Variants in GRIN2A observed in about 807,000 individuals in gnomAD.
GRIN2A encodes the protein glutamate ionotropic receptor NMDA type subunit 2A, also known as glutamate receptor ionotropic, NMDA 2A.
In GRIN2A, 22 loss-of-function variants were observed where a neutral mutation model predicts 113.4. The ratio of observed to expected loss-of-function variants is 0.19; its 90% CI spans 0.14 to 0.28. GRIN2A has a LOEUF of 0.28. Ranked by LOEUF, GRIN2A falls within the 10% of genes least tolerant of loss-of-function variation. The pLI, the probability that GRIN2A is intolerant of heterozygous loss-of-function variation, is 1.00. For synonymous variants in GRIN2A, 827 were observed against 738.4 expected (o/e 1.12, Z -1.94); for missense variants, 1,502 against 1,887.0 (o/e 0.80, Z 3.78).
At position 9,763,625 on chromosome 16, in the gene GRIN2A, G is replaced by A. The variant is rs148827608; in HGVS notation, c.3919C>T (p.Pro1307Ser). 51 of 1,613,122 alleles carry A rather than the reference G, an allele frequency of 3.2e-5. No homozygotes were observed. Among genetic ancestry groups the A allele is most frequent in the Admixed American group, 1.7e-5 (1 of 59,996 alleles). Residue 1307 changes from proline to serine, a missense_variant, in exon 13 of 13, where the codon CCC becomes TCC. Physicochemically the swap from Pro to Ser is moderately conservative, Grantham distance 74. Transcript: ENST00000330684. ...DKPRELDLSR[P>S]SRSISLKDRE... ...TCCTTGAGGCTTATGCTCCGGGAGG[G>A]CCTGCTAAGGTCTAGCTCCCTAGGT... is the stretch of plus-strand genomic sequence containing the variant.
At chr16:9,847,936 A>AAATATATGTTTTATATATATATAT (rs2042804821) in intron 5 of GRIN2A, among the ~76,000 whole-genome samples, 2 of 145,516 alleles carry the variant, frequency 1.4e-5, no homozygotes, top group Non-Finnish European at 3.0e-5. Flanking sequence ...TATATATATA[A>AAATATATGTTTTATATATATATAT]AAATATATAT....
At chr16:10,166,875 T>A (rs1040665799) in intron 2 of GRIN2A, among the ~76,000 whole-genome samples, 13 of 152,192 alleles carry the variant, frequency 8.5e-5, no homozygotes, top group Admixed American at 5.9e-4. Context: ...ATGACCCACA[T>A]CCACTTGAAT....
At chr16:9,838,374 T>C (rs1216470706) in intron 7 of GRIN2A, among the ~76,000 whole-genome samples, 2 of 152,160 alleles carry the variant, frequency 1.3e-5, no homozygotes, top group Admixed American at 1.3e-4. Flanking sequence ...CAACTCACAA[T>C]TGCAAAGATA....
Position 9,755,763 on chromosome 16 carries a change from G to A in GRIN2A, c.*7386C>T, listed in dbSNP as rs189193566. 1.9e-5 allele frequency: 4 copies of A among 208,404 alleles called. No individual in the cohort carries two copies. Among genetic ancestry groups the A allele is most frequent in the South Asian group, 1.9e-4 (1 of 5,240 alleles). The allele number at this position is 208,404 out of a possible 1,614,324, so 12.9% of individuals were successfully genotyped here. On this transcript the variant is annotated 3_prime_UTR_variant, in exon 13 of 13. Coordinates refer to ENST00000330684, the MANE Select transcript of GRIN2A (RefSeq NM_001134407.3). ...GGTACCTATAAAGCCCGGTGGAAGCGTTCCAGTTCAACACTCTTCAGTGGG... is the reference window on the plus strand; with the variant it reads ...GGTACCTATAAAGCCCGGTGGAAGCATTCCAGTTCAACACTCTTCAGTGGG...
chr16:9,798,898 T>C (rs1252635576), intron 10 of GRIN2A, among the ~76,000 whole-genome samples: 2 of 152,204 alleles, frequency 1.3e-5, no homozygotes, highest in Non-Finnish European at 2.9e-5. Flanking sequence ...CCAAAAGAAA[T>C]ACATGTGCTG....
intron 2 of GRIN2A, among the ~76,000 whole-genome samples, chr16:10,144,612 A>T (rs535768946): frequency 1.3e-5 from 2 of 152,308 alleles, no homozygotes; most frequent in South Asian, 2.1e-4. Context: ...ATTCTATAGG[A>T]TACCTTTTCA....
chr16:9,877,189 C>T (rs2043385045), intron 4 of GRIN2A, among the ~76,000 whole-genome samples: 1 of 152,130 alleles, frequency 6.6e-6, no homozygotes. Context: ...ATCAGAGACT[C>T]ACTTCACAGG....
intron 2 of GRIN2A, among the ~76,000 whole-genome samples, chr16:10,088,959 C>A (rs1307919593): frequency 2.0e-5 from 3 of 152,202 alleles, no homozygotes; most frequent in Non-Finnish European, 2.9e-5. Context: ...TCTCTATGCC[C>A]CATTACATAT....
chr16:10,085,706 G>A (rs888543366), intron 2 of GRIN2A, among the ~76,000 whole-genome samples: 2 of 152,166 alleles, frequency 1.3e-5, no homozygotes, highest in African/African-American at 2.4e-5. Flanking sequence ...TAACCCTTAG[G>A]AAAGAAAGCC....
chr16:10,034,008 C>G (rs368571839), intron 2 of GRIN2A: 6 of 152,314 alleles, frequency 3.9e-5, no homozygotes, highest in Non-Finnish European at 7.3e-5. Context: ...TCCTATCAAC[C>G]GGGCCAAACA....
intron 2 of GRIN2A, among the ~76,000 whole-genome samples, chr16:10,067,299 C>G (rs1296379598): frequency 1.3e-5 from 2 of 152,204 alleles, no homozygotes; most frequent in African/African-American, 4.8e-5. Context: ...CACACTCCAT[C>G]TCTGAATGAG....
intron 11 of GRIN2A, among the ~76,000 whole-genome samples, chr16:9,793,241 AT>A (rs1464053724): frequency 2.6e-5 from 4 of 152,032 alleles, no homozygotes; most frequent in African/African-American, 7.2e-5. Context: ...ACCTAAAACA[AT>A]TTTTTCCTTC....
chr16:10,120,663 C>T (rs2048815538), intron 2 of GRIN2A, among the ~76,000 whole-genome samples: 1 of 152,162 alleles, frequency 6.6e-6, no homozygotes, highest in South Asian at 2.1e-4. Flanking sequence ...CATTAAAACA[C>T]ACAGGAAAAC....
At chr16:10,040,897 C>T (rs2047155722) in intron 2 of GRIN2A, among the ~76,000 whole-genome samples, 2 of 152,226 alleles carry the variant, frequency 1.3e-5, no homozygotes, top group African/African-American at 2.4e-5. Flanking sequence ...TCTGCGAAAG[C>T]GGCCCCAGCC....
chr16:10,042,162 T>G (rs1361055036), intron 2 of GRIN2A, among the ~76,000 whole-genome samples: 1 of 152,204 alleles, frequency 6.6e-6, no homozygotes, highest in African/African-American at 2.4e-5. Flanking sequence ...TAAGGTAGTT[T>G]TAAAATATGT....
chr16:9,909,816 G>A (rs754214602), intron 3 of GRIN2A, among the ~76,000 whole-genome samples: 11 of 152,114 alleles, frequency 7.2e-5, no homozygotes, highest in Non-Finnish European at 1.2e-4. Context: ...CATATATATC[G>A]TTGCTTAAGA....
chr16:10,076,694 T>C (rs1351920924), intron 2 of GRIN2A, among the ~76,000 whole-genome samples: 2 of 152,186 alleles, frequency 1.3e-5, no homozygotes, highest in African/African-American at 4.8e-5. Flanking sequence ...GAAAGAGCTA[T>C]GACGACTGAA....
At chr16:9,956,045 T>G (rs17670318) in intron 2 of GRIN2A, among the ~76,000 whole-genome samples, 14,799 of 152,186 alleles carry the variant, frequency 0.097, 831 homozygotes, top group African/African-American at 0.13. Flanking sequence ...TTCGGACTCA[T>G]GATCAAGACA....
intron 2 of GRIN2A, among the ~76,000 whole-genome samples, chr16:9,944,484 C>T (rs1356989180): frequency 6.6e-6 from 1 of 152,138 alleles, no homozygotes; most frequent in Non-Finnish European, 1.5e-5. Flanking sequence ...TCCTCCTCAC[C>T]ATCATCATCA....
Sources: gnomAD v4.1 joint callset for allele counts (sites outside exome capture counted in the v4.1 genomes callset) on GRCh38, gnomAD v4.1.1 for gene constraint, MANE v1.5 for transcripts, NCBI Gene and HGNC (gene_info 2026-07-23, HGNC 2026-07-21) for gene names.